The following SLC1A2 variants were observed in gnomAD, a reference collection of about 807,000 sequenced individuals.
The protein encoded by SLC1A2 is excitatory amino acid transporter 2.
SLC1A2 carries 15 observed loss-of-function variants against 48.8 expected under a neutral mutation model. The observed-to-expected ratio is 0.31, with a 90% CI of 0.21 to 0.47. The LOEUF is 0.47. SLC1A2 is among the 20% of genes least tolerant of loss of function. The probability of loss-of-function intolerance (pLI) is 0.99; values close to 1 mark genes in which losing one functional copy is unlikely to be tolerated. For missense variants in SLC1A2, 502 were observed against 730.5 expected (o/e 0.69, Z 3.61); for synonymous variants, 279 against 272.6 (o/e 1.02, Z -0.23).
chr11:35,260,912 A>G lies in SLC1A2; in HGVS notation c.1707T>C (p.Pro569=). ...KSADCSVEEE[P]WKREK Reference sequence around the variant, plus strand: ...CATATCCTTATTTCTCACGTTTCCAAGGTTCTTCCTCAACACTGCAGTCGG... The same window carrying G: ...CATATCCTTATTTCTCACGTTTCCAGGGTTCTTCCTCAACACTGCAGTCGG... Residue 569 remains proline (P), a synonymous_variant, in exon 11 of 11, where the codon CCT becomes CCC. Coordinates refer to ENST00000278379, the MANE Select transcript of SLC1A2 (RefSeq NM_004171.4). 1 of 1,613,400 alleles carries G rather than the reference A, an allele frequency of 6.2e-7. No individual in the cohort carries two copies. The highest frequency in any genetic ancestry group is 8.5e-7 in the Non-Finnish European group (1 of 1,179,356).
At chr11:35,352,790 G>T (rs1229997439) in intron 1 of SLC1A2, among the ~76,000 whole-genome samples, 1 of 152,154 alleles carries the variant, frequency 6.6e-6, no homozygotes, top group Non-Finnish European at 1.5e-5. Context: ...TGCACCATGC[G>T]AGAAATCAAT....
chr11:35,276,005 C>T lies in SLC1A2; in HGVS notation c.1421+4862G>A, dbSNP rs896657884. On this transcript the variant is annotated intron_variant, in intron 9 of 10. Coordinates refer to ENST00000278379, the MANE Select transcript of SLC1A2 (RefSeq NM_004171.4). ...AAAGCAGATCTGACCTAGCTACAAA[C>T]AGCTACACACATTTTCCCAGGATCC... Among the ~76,000 whole-genome samples, 4 of 152,334 alleles carry T rather than the reference C, an allele frequency of 2.6e-5. No homozygotes were observed. The East Asian group carries it at 7.7e-4, about 29-fold the overall frequency.
intron 1 of SLC1A2, among the ~76,000 whole-genome samples, chr11:35,369,453 G>T (rs978602649): frequency 1.1e-4 from 17 of 152,166 alleles, no homozygotes; most frequent in Non-Finnish European, 4.4e-5. Flanking sequence ...CCACTCCCCA[G>T]CTGAAGCAAA....
chr11:35,289,443 CT>C (rs11343016), intron 7 of SLC1A2, among the ~76,000 whole-genome samples: 39,536 of 148,914 alleles, frequency 0.27, 5,288 homozygotes, highest in Admixed American at 0.3. Context: ...ATTAAAACCA[CT>C]TTTTTTTTTT....
intron 1 of SLC1A2, chr11:35,418,269 AGATCCTCGGGCT>A (rs1334707275): frequency 6.6e-6 from 1 of 152,106 alleles, no homozygotes; most frequent in Non-Finnish European, 1.5e-5. Flanking sequence ...ACACGACTCC[AGATCCTCGGGCT>A]GAATAGGGAA....
intron 9 of SLC1A2, among the ~76,000 whole-genome samples, chr11:35,266,180 A>G (rs537482032): frequency 5.9e-5 from 9 of 152,196 alleles, no homozygotes; most frequent in African/African-American, 2.2e-4. Flanking sequence ...GTTTTTGAAG[A>G]CTCTACACTA....
chr11:35,340,475 G>T (rs1274803749), intron 1 of SLC1A2, among the ~76,000 whole-genome samples: 1 of 152,228 alleles, frequency 6.6e-6, no homozygotes, highest in East Asian at 1.9e-4. Flanking sequence ...GAGCTGTCCT[G>T]CACAATTCTG....
At chr11:35,345,557 G>C (rs576308347) in intron 1 of SLC1A2, among the ~76,000 whole-genome samples, 7 of 152,192 alleles carry the variant, frequency 4.6e-5, no homozygotes, top group African/African-American at 1.4e-4. Context: ...GGGACTGGAG[G>C]GGGACCAGTG....
intron 1 of SLC1A2, among the ~76,000 whole-genome samples, chr11:35,324,925 T>C (rs973413706): frequency 6.6e-6 from 1 of 152,120 alleles, no homozygotes; most frequent in Admixed American, 6.6e-5. Context: ...GGTGGGGTGT[T>C]TGATCATCTC....
At chr11:35,399,264 T>G (rs1309250127) in intron 1 of SLC1A2, among the ~76,000 whole-genome samples, 1 of 152,148 alleles carries the variant, frequency 6.6e-6, no homozygotes, top group African/African-American at 2.4e-5. Flanking sequence ...AGAGTTGGTC[T>G]TCACCAACAC....
intron 1 of SLC1A2, among the ~76,000 whole-genome samples, chr11:35,337,113 G>A (rs944420140): frequency 6.6e-6 from 1 of 152,150 alleles, no homozygotes; most frequent in African/African-American, 2.4e-5. Context: ...CTGCAGAGCT[G>A]CTGGTTAACC....
At chr11:35,317,565 T>C (rs374505481) in intron 1 of SLC1A2, 49 bp from the exon 2 acceptor site, 6 of 1,582,690 alleles carry the variant, frequency 3.8e-6, no homozygotes, top group South Asian at 1.1e-5. Context: ...ACCTCCCCTA[T>C]ACAGTTTCAG....
intron 5 of SLC1A2, among the ~76,000 whole-genome samples, chr11:35,303,215 T>A (rs188496496): frequency 6.6e-6 from 1 of 152,290 alleles, no homozygotes; most frequent in East Asian, 1.9e-4. Context: ...CTTTCCCTAG[T>A]CATCTAACCC....
chr11:35,339,961 A>G (rs12292906), intron 1 of SLC1A2, among the ~76,000 whole-genome samples: 11,596 of 152,274 alleles, frequency 0.076, 749 homozygotes, highest in African/African-American at 0.17. Flanking sequence ...ATTATCAAAA[A>G]TATATTTAAC....
chr11:35,420,507 TA>T (rs1855759989), upstream of SLC1A2: 1 of 152,194 alleles, frequency 6.6e-6, no homozygotes, highest in African/African-American at 2.4e-5. Context: ...ACAGGAGAAT[TA>T]AACAGACTCT....
intron 10 of SLC1A2, among the ~76,000 whole-genome samples, chr11:35,262,769 C>A (rs779440888): frequency 6.6e-6 from 1 of 152,210 alleles, no homozygotes; most frequent in East Asian, 1.9e-4. Context: ...CTGAACCCAA[C>A]AATTTCATTA....
intron 1 of SLC1A2, among the ~76,000 whole-genome samples, chr11:35,402,588 G>A (rs531182200): frequency 1.4e-4 from 21 of 152,324 alleles, no homozygotes; most frequent in African/African-American, 5.1e-4. Flanking sequence ...TGAACTTGAG[G>A]AGGGTGTTGT....
intron 1 of SLC1A2, among the ~76,000 whole-genome samples, chr11:35,373,181 A>T (rs1392078157): frequency 6.6e-6 from 1 of 152,202 alleles, no homozygotes; most frequent in East Asian, 1.9e-4. Flanking sequence ...CTGGAGGAGC[A>T]GGGCCCAGTC....
At chr11:35,406,355 A>G (rs1441176080) in intron 1 of SLC1A2, among the ~76,000 whole-genome samples, 8 of 152,176 alleles carry the variant, frequency 5.3e-5, no homozygotes. Context: ...AAAATATGTA[A>G]AAGTTGTAAT....
Sources: gnomAD v4.1 joint callset for allele counts (sites outside exome capture counted in the v4.1 genomes callset) on GRCh38, gnomAD v4.1.1 for gene constraint, MANE v1.5 for transcripts, NCBI Gene and HGNC (gene_info 2026-07-23, HGNC 2026-07-21) for gene names.